The following UMAD1 variants were observed in gnomAD, a reference collection of about 807,000 sequenced individuals.
The protein encoded by UMAD1 is UBAP1-MVB12-associated (UMA) domain containing 1.
Under a neutral mutation model 6.1 loss-of-function variants are expected in UMAD1, and 8 were observed. That is an observed-to-expected ratio of 1.30 (90% CI 0.76 to 2.35). UMAD1 has a LOEUF of 2.35. UMAD1 is among the 30% of genes most tolerant of loss of function. The pLI is 0.00. For synonymous variants in UMAD1, 56 were observed against 31.4 expected (o/e 1.78, Z -2.61); for missense variants, 130 against 78.4 (o/e 1.66, Z -2.49).
chr7:7,823,657 T>C (rs1783285969), intron 3 of UMAD1, among the ~76,000 whole-genome samples: 2 of 152,294 alleles, frequency 1.3e-5, no homozygotes, highest in South Asian at 4.1e-4. Flanking sequence ...AGAAAATGCT[T>C]TCTTTTTTAT....
At chr7:7,649,175 A>AAAAAAAG (rs1563082634) in intron 1 of UMAD1, among the ~76,000 whole-genome samples, 9 of 104,518 alleles carry the variant, frequency 8.6e-5, no homozygotes, top group East Asian at 3.0e-4. Flanking sequence ...AAAAAAAAAA[A>AAAAAAAG]AAAAGAAAAG....
chr7:7,801,540 C>G, intron 2 of UMAD1, 130 bp from the exon 3 acceptor site: 1 of 588,526 alleles, frequency 1.7e-6, no homozygotes, highest in Non-Finnish European at 3.0e-6. Context: ...TACTTTGAAA[C>G]AAGGGAAATA....
At chr7:7,650,842 A>G (rs1004207168) in intron 1 of UMAD1, among the ~76,000 whole-genome samples, 3 of 152,188 alleles carry the variant, frequency 2.0e-5, no homozygotes, top group Admixed American at 6.5e-5. Flanking sequence ...TAAGAAAGAC[A>G]TTCCAGGTTC....
chr7:7,666,416 C>G (rs1272754742), intron 1 of UMAD1, among the ~76,000 whole-genome samples: 1 of 152,090 alleles, frequency 6.6e-6, no homozygotes, highest in Non-Finnish European at 1.5e-5. Context: ...CCACGTTGCC[C>G]AGGCTGGTCA....
intron 2 of UMAD1, among the ~76,000 whole-genome samples, chr7:7,677,884 G>GTTTT (rs1779788320): frequency 6.6e-6 from 1 of 150,982 alleles, no homozygotes; most frequent in Non-Finnish European, 1.5e-5. Flanking sequence ...CGTTTTAGCC[G>GTTTT]GGATGGTCTC....
intron 2 of UMAD1, among the ~76,000 whole-genome samples, chr7:7,726,858 C>A (rs968191135): frequency 1.3e-5 from 2 of 152,096 alleles, no homozygotes; most frequent in African/African-American, 4.8e-5. Context: ...GGTGATTGAC[C>A]TGGACTATCA....
At chr7:7,873,318 G>A (rs993474902) in intron 3 of UMAD1, among the ~76,000 whole-genome samples, 29 of 152,146 alleles carry the variant, frequency 1.9e-4, no homozygotes, top group African/African-American at 6.5e-4. Flanking sequence ...ATGGAATCTT[G>A]AGGTTTTATG....
At chr7:7,784,916 C>T (rs1482858807) in intron 2 of UMAD1, among the ~76,000 whole-genome samples, 1 of 151,896 alleles carries the variant, frequency 6.6e-6, no homozygotes, top group Non-Finnish European at 1.5e-5. Context: ...GCGCCCGCCA[C>T]CTCGCCCGGC....
At chr7:7,866,989 T>C (rs1024576221) in intron 3 of UMAD1, among the ~76,000 whole-genome samples, 3 of 151,954 alleles carry the variant, frequency 2.0e-5, no homozygotes, top group Non-Finnish European at 4.4e-5. Context: ...GAAAAGTCAA[T>C]AGGACTCAGT....
chr7:7,776,791 A>G (rs1782216748), intron 2 of UMAD1, among the ~76,000 whole-genome samples: 1 of 152,206 alleles, frequency 6.6e-6, no homozygotes, highest in Non-Finnish European at 1.5e-5. Flanking sequence ...AATGTTCAAA[A>G]TCTTAAATTC....
chr7:7,837,525 C>T (rs552439997), intron 3 of UMAD1, among the ~76,000 whole-genome samples: 1 of 151,972 alleles, frequency 6.6e-6, no homozygotes, highest in African/African-American at 2.4e-5. Context: ...TTGGTTAAAA[C>T]AAAAACAAAA....
intron 2 of UMAD1, among the ~76,000 whole-genome samples, chr7:7,788,543 G>C (rs1157806619): frequency 4.6e-5 from 7 of 152,044 alleles, no homozygotes; most frequent in Admixed American, 4.6e-4. Flanking sequence ...GAATTCCTGA[G>C]GTCAGAGTTT....
At chr7:7,802,742 C>T (rs1387723952) in intron 3 of UMAD1, among the ~76,000 whole-genome samples, 3 of 152,088 alleles carry the variant, frequency 2.0e-5, no homozygotes, top group African/African-American at 7.2e-5. Flanking sequence ...AGGTCAGAGA[C>T]CTGGCCAGTG....
At chr7:7,808,134 A>G (rs919753958) in intron 3 of UMAD1, among the ~76,000 whole-genome samples, 34 of 151,998 alleles carry the variant, frequency 2.2e-4, no homozygotes, top group African/African-American at 7.7e-4. Flanking sequence ...TTAGACTCTG[A>G]TATTTGAGGG....
At chr7:7,783,942 G>A (rs1782404388) in intron 2 of UMAD1, among the ~76,000 whole-genome samples, 1 of 152,126 alleles carries the variant, frequency 6.6e-6, no homozygotes, top group Non-Finnish European at 1.5e-5. Context: ...AATTAAAGAT[G>A]AAGAAGAAAT....
intron 3 of UMAD1, among the ~76,000 whole-genome samples, chr7:7,837,721 A>C (rs536753497): frequency 1.5e-4 from 6 of 40,350 alleles, no homozygotes; most frequent in Non-Finnish European, 3.3e-4. Flanking sequence ...AAATGTGAAT[A>C]TATCAGTTAC....
intron 3 of UMAD1, chr7:7,868,538 A>T (rs577187539): frequency 6.6e-6 from 1 of 152,142 alleles, no homozygotes; most frequent in African/African-American, 2.4e-5. Flanking sequence ...AAGCAGGTAG[A>T]AATATTGAAG....
intron 2 of UMAD1, among the ~76,000 whole-genome samples, chr7:7,708,580 A>C (rs1780667346): frequency 6.6e-6 from 1 of 152,200 alleles, no homozygotes; most frequent in Non-Finnish European, 1.5e-5. Context: ...GGAAACCTTT[A>C]AAAATAAGTC....
At chr7:7,851,097 A>T (rs1373437706) in intron 3 of UMAD1, among the ~76,000 whole-genome samples, 1 of 152,144 alleles carries the variant, frequency 6.6e-6, no homozygotes, top group African/African-American at 2.4e-5. Context: ...CAACTAATCT[A>T]TTCTGTCTCT....
Sources: gnomAD v4.1 joint callset for allele counts (sites outside exome capture counted in the v4.1 genomes callset) on GRCh38, gnomAD v4.1.1 for gene constraint, MANE v1.5 for transcripts, NCBI Gene and HGNC (gene_info 2026-07-23, HGNC 2026-07-21) for gene names.